ULK4: variants seen among roughly 807,000 people sequenced by gnomAD.
ULK4 encodes inactive serine/threonine-protein kinase ULK4.
A neutral mutation model predicts 160.6 loss-of-function variants in ULK4; 133 were observed. That is an observed-to-expected ratio of 0.83 (90% confidence interval 0.72 to 0.96). ULK4 has a LOEUF of 0.96. Among genes scored for constraint, ULK4 ranks in the 40% least tolerant of loss-of-function variants. The pLI, the probability that ULK4 is intolerant of heterozygous loss-of-function variation, is 0.00. For synonymous variants in ULK4, 534 were observed against 539.8 expected (o/e 0.99, Z 0.15); for missense variants, 1,580 against 1,499.5 (o/e 1.05, Z -0.89).
chr3:41,279,033 G>A (rs575614729), intron 35 of ULK4, among the ~76,000 whole-genome samples: 128 of 152,080 alleles, frequency 8.4e-4, no homozygotes, highest in African/African-American at 2.9e-3. Context: ...CCCATTGCAA[G>A]GAAGCTAAAA....
chr3:41,824,163 T>TAAAAAA (rs78604753), intron 18 of ULK4, among the ~76,000 whole-genome samples: 1 of 117,800 alleles, frequency 8.5e-6, no homozygotes, highest in African/African-American at 3.5e-5. Flanking sequence ...ACTCTATCTT[T>TAAAAAA]AAAAAAAAAA....
intron 34 of ULK4, among the ~76,000 whole-genome samples, chr3:41,431,101 G>A (rs2082893631): frequency 6.6e-6 from 1 of 152,150 alleles, no homozygotes; most frequent in South Asian, 2.1e-4. Flanking sequence ...GGTAATCCTA[G>A]CACTTTGGGT....
chr3:41,942,543 C>T lies in ULK4; in HGVS notation c.139-4346G>A, dbSNP rs529108960. Among the ~76,000 whole-genome samples the T allele has an allele frequency of 4.0e-5, 6 of 150,038 alleles. No homozygotes were observed. The East Asian group carries it at 6.0e-4, about 15-fold the overall frequency. On this transcript the variant is annotated intron_variant, in intron 2 of 36. Coordinates refer to ENST00000301831, the MANE Select transcript of ULK4 (RefSeq NM_017886.4). ...CAAAAAAATAAATAAATAGGCCGGG[C>T]GCGGTGGCTCACGCCTGTAATGCCA... is the stretch of plus-strand genomic sequence containing the variant.
intron 32 of ULK4, among the ~76,000 whole-genome samples, chr3:41,502,766 T>C (rs931816585): frequency 1.3e-5 from 2 of 152,178 alleles, no homozygotes; most frequent in East Asian, 3.8e-4. Flanking sequence ...CATAAAATAT[T>C]AGTGGTTCCC....
chr3:41,598,950 G>A (rs2031876046), intron 31 of ULK4, among the ~76,000 whole-genome samples: 1 of 152,230 alleles, frequency 6.6e-6, no homozygotes, highest in African/African-American at 2.4e-5. Context: ...CCTTTCTGGA[G>A]GCTCCAGGGG....
At chr3:41,740,094 CCATATTTAAA>C (rs2038194327) in intron 22 of ULK4, among the ~76,000 whole-genome samples, 1 of 151,504 alleles carries the variant, frequency 6.6e-6, no homozygotes, top group East Asian at 1.9e-4. Context: ...CTTTCTTTGC[CCATATTTAAA>C]CATATTTTCT....
chr3:41,841,128 T>C (rs1205410816), intron 17 of ULK4, among the ~76,000 whole-genome samples: 2 of 125,126 alleles, frequency 1.6e-5, no homozygotes, highest in African/African-American at 7.7e-5. Context: ...GAGGAGCGCC[T>C]CTGCTCGGCC....
chr3:41,796,772 C>T (rs963759856), intron 20 of ULK4, among the ~76,000 whole-genome samples: 1 of 152,106 alleles, frequency 6.6e-6, no homozygotes, highest in Non-Finnish European at 1.5e-5. Flanking sequence ...GCAACAATGA[C>T]ACCACCCAGG....
chr3:41,770,689 T>C (rs1243925035), intron 21 of ULK4, among the ~76,000 whole-genome samples: 1 of 151,960 alleles, frequency 6.6e-6, no homozygotes, highest in African/African-American at 2.4e-5. Flanking sequence ...TTTTTTGTAT[T>C]TTTAGTAGAG....
intron 2 of ULK4, among the ~76,000 whole-genome samples, chr3:41,946,617 GGAAAGGCA>G (rs1700119121): frequency 6.6e-6 from 1 of 152,106 alleles, no homozygotes; most frequent in African/African-American, 2.4e-5. Flanking sequence ...TGTTCTACTT[GGAAAGGCA>G]TCAGTTTACC....
rs775251662 is a variant in ULK4 at position 41,911,523 on chromosome 3, T to A, written c.1015+18A>T. The A allele has an allele frequency of 3.1e-6, 5 of 1,604,068 alleles. No homozygotes were observed. Among genetic ancestry groups the A allele is most frequent in the Non-Finnish European group, 4.3e-6 (5 of 1,171,110 alleles). On this transcript the variant is annotated intron_variant, in intron 10 of 36. Coordinates refer to ENST00000301831, the MANE Select transcript of ULK4 (RefSeq NM_017886.4). ...AACAACATTCTAAGTAGCATGAATG[T>A]GCTCAAATAAAACTTACCTAGTCTG...
At chr3:41,786,889 AAC>A (rs2040013273) in intron 21 of ULK4, among the ~76,000 whole-genome samples, 1 of 152,104 alleles carries the variant, frequency 6.6e-6, no homozygotes, top group Non-Finnish European at 1.5e-5. Context: ...CCTGAGGATC[AAC>A]ACAGCAATGC....
intron 35 of ULK4, among the ~76,000 whole-genome samples, chr3:41,303,932 T>C (rs2079847898): frequency 2.0e-5 from 3 of 152,120 alleles, no homozygotes; most frequent in African/African-American, 7.2e-5. Context: ...GGGGGCCGGA[T>C]ACATGCCAAG....
intron 35 of ULK4, among the ~76,000 whole-genome samples, chr3:41,369,917 C>A (rs2081329419): frequency 6.6e-6 from 1 of 151,670 alleles, no homozygotes; most frequent in African/African-American, 2.4e-5. Context: ...AAAAAAAAAT[C>A]TATTTTGCCA....
intron 17 of ULK4, among the ~76,000 whole-genome samples, chr3:41,848,227 T>C (rs2042119398): frequency 6.6e-6 from 1 of 152,142 alleles, no homozygotes; most frequent in Non-Finnish European, 1.5e-5. Context: ...TTAAAGATAA[T>C]AAACTGTCAG....
chr3:41,306,070 C>CAT (rs1489110503), intron 35 of ULK4, among the ~76,000 whole-genome samples: 6 of 148,936 alleles, frequency 4.0e-5, no homozygotes, highest in African/African-American at 1.5e-4. Flanking sequence ...CCAGCAGCCA[C>CAT]CCAGTCTGGG....
intron 32 of ULK4, among the ~76,000 whole-genome samples, chr3:41,564,449 C>CTTTTT (rs71075476): frequency 1.4e-4 from 11 of 80,930 alleles, no homozygotes; most frequent in East Asian, 8.6e-4. Context: ...TCTTCTTCTT[C>CTTTTT]TTTTTTTTTT....
chr3:41,759,994 T>C (rs1472399988), intron 21 of ULK4, among the ~76,000 whole-genome samples: 1 of 152,014 alleles, frequency 6.6e-6, no homozygotes, highest in African/African-American at 2.4e-5. Flanking sequence ...TTCATCAAAA[T>C]TAAAATTTCT....
chr3:41,946,650 T>C (rs1345929324), intron 2 of ULK4, among the ~76,000 whole-genome samples: 1 of 152,222 alleles, frequency 6.6e-6, no homozygotes, highest in Non-Finnish European at 1.5e-5. Flanking sequence ...TAGTGAAATT[T>C]TCCCTGGGGT....
Sources: gnomAD v4.1 joint callset for allele counts (sites outside exome capture counted in the v4.1 genomes callset) on GRCh38, gnomAD v4.1.1 for gene constraint, MANE v1.5 for transcripts, NCBI Gene and HGNC (gene_info 2026-07-23, HGNC 2026-07-21) for gene names.